The following R3HCC1L variants were observed in gnomAD, a reference collection of about 807,000 sequenced individuals.
R3HCC1L encodes R3H domain and coiled-coil containing 1 like, also known as coiled-coil domain-containing protein R3HCC1L.
A neutral mutation model predicts 59.9 loss-of-function variants in R3HCC1L; 51 were observed. The ratio of observed to expected loss-of-function variants is 0.85; its 90% CI spans 0.68 to 1.07. R3HCC1L has a LOEUF of 1.07. Ranked by LOEUF, R3HCC1L falls within the 50% of genes least tolerant of loss-of-function variation. R3HCC1L has a pLI of 0.00. For missense variants in R3HCC1L, 965 were observed against 933.0 expected (o/e 1.03, Z -0.45); for synonymous variants, 322 against 315.2 (o/e 1.02, Z -0.23).
intron 5 of R3HCC1L, among the ~76,000 whole-genome samples, chr10:98,210,410 C>T (rs931305024): frequency 1.3e-5 from 2 of 152,078 alleles, no homozygotes; most frequent in African/African-American, 4.8e-5. Flanking sequence ...ACCCATTTAG[C>T]ATAAATAGAA....
At chr10:98,145,747 G>A (rs928594533) in intron 1 of R3HCC1L, among the ~76,000 whole-genome samples, 2 of 152,128 alleles carry the variant, frequency 1.3e-5, no homozygotes, top group Non-Finnish European at 2.9e-5. Flanking sequence ...TCAGGAGATC[G>A]AGACCATCCT....
chr10:98,195,505 G>A (rs1477555009), intron 4 of R3HCC1L, among the ~76,000 whole-genome samples: 1 of 148,080 alleles, frequency 6.8e-6, no homozygotes, highest in African/African-American at 2.5e-5. Flanking sequence ...AAAACAAAAT[G>A]TTACAGTGGT....
chr10:98,206,351 AAG>A (rs1278893287), intron 4 of R3HCC1L, among the ~76,000 whole-genome samples: 4 of 151,648 alleles, frequency 2.6e-5, no homozygotes, highest in Non-Finnish European at 5.9e-5. Context: ...AAACCTCCAA[AAG>A]AGATCCTTGT....
chr10:98,208,102 T>C lies in R3HCC1L; in HGVS notation c.-13T>C. The C allele has an allele frequency of 1.3e-6, 2 of 1,589,214 alleles. No homozygotes were observed. The highest frequency in any genetic ancestry group is 1.7e-6 in the Non-Finnish European group (2 of 1,170,424). On this transcript the variant is annotated splice_region_variant and 5_prime_UTR_variant, in exon 5 of 10. Coordinates refer to ENST00000298999, the MANE Select transcript of R3HCC1L (RefSeq NM_001351015.2). The stretch of plus-strand genomic sequence containing the variant: ...AATTAAATCATTCTTCTCTTGCAGA[T>C]TGTGGTGGTGCCATGCAGCAAGAAT...
At chr10:98,206,640 T>C (rs1168838542) in intron 4 of R3HCC1L, among the ~76,000 whole-genome samples, 1 of 152,190 alleles carries the variant, frequency 6.6e-6, no homozygotes, top group African/African-American at 2.4e-5. Flanking sequence ...GTGAGTCCAC[T>C]TATCAGTTTT....
At chr10:98,164,681 T>A (rs1446705081) in intron 4 of R3HCC1L, among the ~76,000 whole-genome samples, 2 of 152,082 alleles carry the variant, frequency 1.3e-5, no homozygotes, top group African/African-American at 2.4e-5. Flanking sequence ...ACTTCTCAAG[T>A]CCCCAGATGC....
At chr10:98,230,128 A>G (rs1299473300) in intron 5 of R3HCC1L, among the ~76,000 whole-genome samples, 7 of 152,016 alleles carry the variant, frequency 4.6e-5, no homozygotes, top group South Asian at 2.1e-4. Context: ...CTCTTTTTCT[A>G]TTGATTGGAA....
chr10:98,168,047 A>G (rs1373481541), intron 4 of R3HCC1L, among the ~76,000 whole-genome samples: 1 of 152,232 alleles, frequency 6.6e-6, no homozygotes, highest in East Asian at 1.9e-4. Context: ...GAATAGACCC[A>G]GGAGAGGAAC....
At chr10:98,141,049 A>G (rs1260143696) in intron 1 of R3HCC1L, among the ~76,000 whole-genome samples, 1 of 151,880 alleles carries the variant, frequency 6.6e-6, no homozygotes, top group Non-Finnish European at 1.5e-5. Context: ...TTTTCTAGGC[A>G]TTTACTAAAG....
At chr10:98,149,985 C>T (rs1302546237) in intron 1 of R3HCC1L, among the ~76,000 whole-genome samples, 3 of 152,130 alleles carry the variant, frequency 2.0e-5, no homozygotes, top group African/African-American at 7.2e-5. Flanking sequence ...GCTTTTTATA[C>T]TTGGCAGCGC....
chr10:98,176,312 CCTT>C (rs1319827502), intron 4 of R3HCC1L, among the ~76,000 whole-genome samples: 1 of 152,096 alleles, frequency 6.6e-6, no homozygotes, highest in Non-Finnish European at 1.5e-5. Context: ...TGTAGAAAGT[CCTT>C]CTGGATTCTG....
At chr10:98,229,785 C>A (rs1233862838) in intron 5 of R3HCC1L, among the ~76,000 whole-genome samples, 1 of 152,136 alleles carries the variant, frequency 6.6e-6, no homozygotes, top group Non-Finnish European at 1.5e-5. Context: ...GAGTTTTTAG[C>A]ATGAAGGGTT....
At chr10:98,220,340 C>A (rs980050687) in intron 5 of R3HCC1L, among the ~76,000 whole-genome samples, 6 of 143,468 alleles carry the variant, frequency 4.2e-5, no homozygotes, top group Non-Finnish European at 6.1e-5. Flanking sequence ...TTTTTGAATT[C>A]TTTGTCAGGC....
chr10:98,181,130 G>A (rs2134573883), intron 4 of R3HCC1L, among the ~76,000 whole-genome samples: 1 of 152,298 alleles, frequency 6.6e-6, no homozygotes, highest in Non-Finnish European at 1.5e-5. Flanking sequence ...AGTTGATGCA[G>A]TTTCTTCCTA....
intron 9 of R3HCC1L, 127 bp downstream of exon 9, chr10:98,236,291 T>G (rs1300349807): frequency 8.0e-7 from 1 of 1,255,652 alleles, no homozygotes; most frequent in Non-Finnish European, 1.1e-6. Flanking sequence ...CTCCTAAGTG[T>G]ATAGAAATTT....
chr10:98,146,794 C>T (rs2133943101), intron 1 of R3HCC1L, among the ~76,000 whole-genome samples: 1 of 152,270 alleles, frequency 6.6e-6, no homozygotes, highest in South Asian at 2.1e-4. Context: ...TTTCTTCTTA[C>T]ATGTATCTAT....
At position 98,209,632 on chromosome 10, in the gene R3HCC1L, C is replaced by T. The variant is rs142377469; in HGVS notation, c.1518C>T (p.Gly506=). Residue 506 remains glycine, a synonymous_variant, in exon 5 of 10, where the codon GGC becomes GGT. Transcript: ENST00000298999. ...GTKVLSDSAV[G]IDLGSTGDTT... Reference sequence around the variant, plus strand: ...AAGTTCTTTCAGACAGTGCCGTGGGCATTGACCTGGGTAGTACTGGTGATA... The same window carrying T: ...AAGTTCTTTCAGACAGTGCCGTGGGTATTGACCTGGGTAGTACTGGTGATA... 6.2e-7 allele frequency: 1 copy of T among 1,613,882 alleles called. No homozygotes were observed. Among genetic ancestry groups the T allele is most frequent in the African/African-American group, 1.3e-5 (1 of 74,900 alleles).
intron 4 of R3HCC1L, among the ~76,000 whole-genome samples, chr10:98,183,605 G>T (rs958865794): frequency 6.6e-6 from 1 of 152,022 alleles, no homozygotes; most frequent in African/African-American, 2.4e-5. Context: ...TAGAGTATTT[G>T]ATATTGTCCC....
chr10:98,140,875 T>A (rs1845069458), intron 1 of R3HCC1L, among the ~76,000 whole-genome samples: 1 of 152,148 alleles, frequency 6.6e-6, no homozygotes, highest in Admixed American at 6.6e-5. Context: ...AAAATTAAGA[T>A]TAATATTAAT....
Sources: gnomAD v4.1 joint callset for allele counts (sites outside exome capture counted in the v4.1 genomes callset) on GRCh38, gnomAD v4.1.1 for gene constraint, MANE v1.5 for transcripts, NCBI Gene and HGNC (gene_info 2026-07-23, HGNC 2026-07-21) for gene names.